BBC3: variants seen among roughly 807,000 people sequenced by gnomAD.
BBC3 encodes BCL2 binding component 3.
In BBC3, 5 loss-of-function variants were observed where a neutral mutation model predicts 18.2. The observed-to-expected ratio is 0.27, with a 90% CI of 0.14 to 0.58. BBC3 has a LOEUF of 0.58. BBC3 is among the 20% of genes least tolerant of loss of function. The pLI is 0.91. For missense variants in BBC3, 224 were observed against 268.9 expected, an observed-to-expected ratio of 0.83 and a Z score of 1.17; for synonymous variants, 119 against 128.0, an observed-to-expected ratio of 0.93 and a Z score of 0.47.
At position 47,230,728 on chromosome 19, in the gene BBC3, C is replaced by A; in HGVS notation, c.-16+201G>T. ...CCGCCAGACCGCCGAGGCACCTGTGCGCCCAGACCGGCGCCCCAACGCCGA... is the reference window on the plus strand; with the variant it reads ...CCGCCAGACCGCCGAGGCACCTGTGAGCCCAGACCGGCGCCCCAACGCCGA... On this transcript the variant is annotated intron_variant, in intron 1 of 3. Coordinates refer to ENST00000439096, the MANE Select transcript of BBC3 (RefSeq NM_014417.5). This position sits in a 1 kb window ranked among gnomAD's most constrained non-coding sequence, Gnocchi z 6.7. The A allele has an allele frequency of 1.0e-6, 1 of 985,166 alleles. No homozygotes were observed. Among genetic ancestry groups the A allele is most frequent in the Non-Finnish European group, 1.2e-6 (1 of 829,796 alleles). The allele number at this position is 985,166 out of a possible 1,614,324, so 61.0% of individuals were successfully genotyped here.
chr19:47,232,379 C>T (rs2058922824), upstream of BBC3: 1 of 679,286 alleles, frequency 1.5e-6, no homozygotes, highest in Admixed American at 3.2e-5. Flanking sequence ...AAGAAACTGA[C>T]ATTCAGAGAC....
At chr19:47,226,440 T>A in intron 3 of BBC3, 124 bp downstream of exon 3, 152 of 132,890 alleles carry the variant, frequency 1.1e-3, no homozygotes, top group Middle Eastern at 3.0e-3. Flanking sequence ...ACCCCCCACC[T>A]GCCTGTCCGC....
At chr19:47,226,508 C>A in intron 3 of BBC3, 56 bp downstream of exon 3, 1 of 1,467,586 alleles carries the variant, frequency 6.8e-7, no homozygotes, top group South Asian at 1.3e-5. Context: ...GGCCGCCTGC[C>A]GCCCCCTCCT....
upstream of BBC3, chr19:47,232,506 C>T: frequency 6.5e-7 from 1 of 1,547,188 alleles, no homozygotes; most frequent in Non-Finnish European, 8.7e-7. Flanking sequence ...CACACCTGGC[C>T]ACACTCACCA....
At chr19:47,227,497 T>C (rs1216816679) in intron 2 of BBC3, among the ~76,000 whole-genome samples, 2 of 152,142 alleles carry the variant, frequency 1.3e-5, no homozygotes. Context: ...GTTTTCTCTT[T>C]CCTCGCTCCC....
rs571426816 is a variant in BBC3, at chr19:47,223,236, A to G, written c.466-1318T>C. On this transcript the variant is annotated intron_variant, in intron 3 of 3. Coordinates refer to ENST00000439096, the MANE Select transcript of BBC3 (RefSeq NM_014417.5). ...CAGTGAGCCGAGATGGCGCCACTGCACTCCAGCCTGGGTGACAGAGCGAGA... is the reference window on the plus strand; with the variant it reads ...CAGTGAGCCGAGATGGCGCCACTGCGCTCCAGCCTGGGTGACAGAGCGAGA... 2.1e-4 allele frequency among the ~76,000 whole-genome samples: 31 copies of G among 149,218 alleles called. No individual in the cohort carries two copies. In the South Asian group the frequency reaches 5.9e-3, roughly 28 times the overall value.
chr19:47,221,883 G>C lies in BBC3; in HGVS notation c.501C>G (p.Pro167=), dbSNP rs1431624651. ...TGATGAGATTGTACAGGACCCTCCA[G>C]GGTGAGGGGCGGTGCCGCTGCTGCT... The part of the protein sequence containing the change: ...QEEQQRHRPS[P]WRVLYNLIMG... The change falls in exon 4 of 4, where the codon CCC becomes CCG. Residue 167 remains proline, a synonymous_variant. Coordinates refer to ENST00000439096, the MANE Select transcript of BBC3 (RefSeq NM_014417.5). 6.2e-7 allele frequency: 1 copy of C among 1,610,944 alleles called. No homozygotes were observed. The highest frequency in any genetic ancestry group is 1.1e-5 in the South Asian group (1 of 90,772).
At chr19:47,229,545 A>G (rs1411308731) in intron 1 of BBC3, among the ~76,000 whole-genome samples, 1 of 151,356 alleles carries the variant, frequency 6.6e-6, no homozygotes, top group Non-Finnish European at 1.5e-5. Context: ...TAGCGCACCC[A>G]CAGAAAACAC....
At position 47,221,418 on chromosome 19, in the gene BBC3, A is replaced by AGAG. The variant is rs2058748065; in HGVS notation, c.*381_*383dup. ...CCAGGCCCAGAGTGAAGGAGCACCG[A>AGAG]GAGGAGAGCCCCCCCCTCCCAGTGT... On this transcript the variant is annotated 3_prime_UTR_variant, in exon 4 of 4. Transcript: ENST00000439096. 1 of 301,012 alleles carries AGAG rather than the reference A, an allele frequency of 3.3e-6. No individual in the cohort carries two copies. The highest frequency in any genetic ancestry group is 5.8e-6 in the Non-Finnish European group (1 of 173,234). The allele number at this position is 301,012 out of a possible 1,614,324, so 18.6% of individuals were successfully genotyped here.
intron 3 of BBC3, 138 bp downstream of exon 3, chr19:47,226,426 A>AC: frequency 1.3e-5 from 1 of 79,214 alleles, no homozygotes; most frequent in African/African-American, 6.1e-5. Flanking sequence ...CCCCCCACCC[A>AC]CTTACCCCCC....
chr19:47,222,042 G>T, intron 3 of BBC3, 124 bp from the exon 4 acceptor site: 1 of 852,570 alleles, frequency 1.2e-6, no homozygotes, highest in Non-Finnish European at 1.7e-6. Context: ...TCCTCCCCCC[G>T]CCTGGGCTAA....
At position 47,221,472 on chromosome 19, in the gene BBC3, A is replaced by C; in HGVS notation, c.*330T>G. 1 of 242,986 alleles carries C rather than the reference A, an allele frequency of 4.1e-6. No homozygotes were observed. The allele number at this position is 242,986 out of a possible 1,614,324, so 15.1% of individuals were successfully genotyped here. A position where few individuals can be genotyped will look rare whatever the true frequency, so the allele number is the denominator to read the frequency against. On this transcript the variant is annotated 3_prime_UTR_variant, in exon 4 of 4. Transcript: ENST00000439096. The stretch of plus-strand genomic sequence containing the variant: ...CCCTGCAGCTGGAACGGGCACCAGC[A>C]CAACAGCCTTTCCTGAGATGGTGGT...
At chr19:47,223,966 A>G (rs1299294437) in intron 3 of BBC3, among the ~76,000 whole-genome samples, 3 of 152,076 alleles carry the variant, frequency 2.0e-5, no homozygotes, top group Non-Finnish European at 2.9e-5. Flanking sequence ...ACAAGAGCGC[A>G]CCCGGAAATA....
chr19:47,230,994 C>T lies in BBC3; in HGVS notation c.-81G>A, dbSNP rs2058907514. ...GCGGGCGGCTTCCTTCAGGAGGGCG[C>T]GCCCGCCGAGCGCCGCTCTCCGCGG... On this transcript the variant is annotated 5_prime_UTR_variant, in exon 1 of 4. Coordinates refer to ENST00000439096, the MANE Select transcript of BBC3 (RefSeq NM_014417.5). This position sits in a 1 kb window ranked among gnomAD's most constrained non-coding sequence, Gnocchi z 6.7. 1 of 985,958 alleles carries T rather than the reference C, an allele frequency of 1.0e-6. No homozygotes were observed. The highest frequency in any genetic ancestry group is 1.2e-6 in the Non-Finnish European group (1 of 829,908). 61.1% of individuals were successfully genotyped at this position (985,958 alleles called of 1,614,324 possible). A position where few individuals can be genotyped will look rare whatever the true frequency, so the allele number is the denominator to read the frequency against.
At chr19:47,224,544 T>C (rs914135259) in intron 3 of BBC3, among the ~76,000 whole-genome samples, 1 of 151,996 alleles carries the variant, frequency 6.6e-6, no homozygotes, top group Non-Finnish European at 1.5e-5. Flanking sequence ...GAGGATCCCT[T>C]AAACCCAGGA....
At chr19:47,231,514 C>A (rs1252496700), upstream of BBC3, among the ~76,000 whole-genome samples, 2 of 152,134 alleles carry the variant, frequency 1.3e-5, no homozygotes, top group African/African-American at 4.8e-5. This position sits in a 1 kb window ranked among gnomAD's most constrained non-coding sequence, Gnocchi z 4.0. Context: ...CAGATCCACA[C>A]CCCCAGCGAT....
upstream of BBC3, chr19:47,232,751 C>A: frequency 4.7e-6 from 3 of 636,498 alleles, no homozygotes; most frequent in South Asian, 4.6e-5. Flanking sequence ...GGGTCTCACC[C>A]AATCGCAATC....
intron 3 of BBC3, among the ~76,000 whole-genome samples, chr19:47,225,327 C>T (rs1466847078): frequency 2.0e-5 from 3 of 151,020 alleles, no homozygotes; most frequent in East Asian, 3.9e-4. Context: ...GGATTACAGG[C>T]GTGGGCCACT....
rs375874652 is a variant in BBC3 at position 47,221,265 on chromosome 19, G to A, written c.*537C>T. The A allele has an allele frequency of 2.9e-5, 5 of 170,652 alleles. No individual in the cohort carries two copies. Among genetic ancestry groups the A allele is most frequent in the Admixed American group, 6.4e-5 (1 of 15,510 alleles). The allele number at this position is 170,652 out of a possible 1,614,324, so 10.6% of individuals were successfully genotyped here. A position where few individuals can be genotyped will look rare whatever the true frequency, so the allele number is the denominator to read the frequency against. On this transcript the variant is annotated 3_prime_UTR_variant, in exon 4 of 4. Transcript: ENST00000439096. The stretch of plus-strand genomic sequence containing the variant: ...GCTGGCTCAGGGAAGATGGCTGGGC[G>A]CCGGGCTGGAGCAACCGGCAAACGA...
Sources: gnomAD v4.1 joint callset for allele counts (sites outside exome capture counted in the v4.1 genomes callset) on GRCh38, gnomAD v4.1.1 for gene constraint, Gnocchi (gnomAD v3.1) non-coding constraint, MANE v1.5 for transcripts, NCBI Gene and HGNC (gene_info 2026-07-23, HGNC 2026-07-21) for gene names.